CSRNP1: variants seen among roughly 807,000 people sequenced by gnomAD.
CSRNP1 encodes cysteine/serine-rich nuclear protein 1.
A neutral mutation model predicts 25.0 loss-of-function variants in CSRNP1; 8 were observed. The ratio of observed to expected loss-of-function variants is 0.32; its 90% CI spans 0.19 to 0.58. The LOEUF is 0.58. CSRNP1 is among the 20% of genes least tolerant of loss of function. The pLI is 0.88. For missense variants in CSRNP1, 691 were observed against 773.1 expected, an observed-to-expected ratio of 0.89 and a Z score of 1.26; for synonymous variants, 305 against 303.1, an observed-to-expected ratio of 1.01 and a Z score of -0.06.
At position 39,142,447 on chromosome 3, in the gene CSRNP1, C is replaced by T. The variant is rs1011733618; in HGVS notation, c.*608G>A. On this transcript the variant is annotated 3_prime_UTR_variant, in exon 5 of 5. Coordinates refer to ENST00000273153, the MANE Select transcript of CSRNP1 (RefSeq NM_033027.4). ...CAGGCAGCAGACATAGATCACAGAGCTCAAATCCACACCTAGTCTGCACCA... is the reference window on the plus strand; with the variant it reads ...CAGGCAGCAGACATAGATCACAGAGTTCAAATCCACACCTAGTCTGCACCA... The T allele has an allele frequency of 6.5e-6, 1 of 152,982 alleles. No homozygotes were observed. Among genetic ancestry groups the T allele is most frequent in the East Asian group, 1.9e-4 (1 of 5,180 alleles). 9.5% of individuals were successfully genotyped at this position (152,982 alleles called of 1,614,324 possible).
Position 39,146,460 on chromosome 3 carries a change from A to G in CSRNP1, c.205+18T>C, listed in dbSNP as rs1314011824. 4 of 1,514,250 alleles carry G rather than the reference A, an allele frequency of 2.6e-6. No homozygotes were observed. Among genetic ancestry groups the G allele is most frequent in the Non-Finnish European group, 3.5e-6 (4 of 1,128,374 alleles). The allele number at this position is 1,514,250 out of a possible 1,614,324, so 93.8% of individuals were successfully genotyped here. A position where few individuals can be genotyped will look rare whatever the true frequency, so the allele number is the denominator to read the frequency against. Reference sequence around the variant, plus strand: ...AAGGCAGGCAGGTGATGGAGTTCCCAGGGGAGGGAGTACTCACGGGTGAAA... The same window carrying G: ...AAGGCAGGCAGGTGATGGAGTTCCCGGGGGAGGGAGTACTCACGGGTGAAA... On this transcript the variant is annotated intron_variant, in intron 2 of 4. Transcript: ENST00000273153.
chr3:39,143,410 C>T lies in CSRNP1; in HGVS notation c.1415G>A (p.Gly472Glu), dbSNP rs770126733. 1 of 1,614,188 alleles carries T rather than the reference C, an allele frequency of 6.2e-7. No individual in the cohort carries two copies. Among genetic ancestry groups the T allele is most frequent in the Admixed American group, 1.7e-5 (1 of 60,028 alleles). ...GCCAGGAAGGCTGCCTTCCCTTGAC[C>T]CTTCAAGGCCACCATTTAGGAAGCA... ...ASCFLNGGLE[G>E]SREGSLPGTS... Residue 472 changes from glycine to glutamate, a missense_variant, in exon 5 of 5, where the codon GGG (glycine) becomes GAG (glutamate). Gly to Glu is a moderately conservative substitution (Grantham distance 98). Transcript: ENST00000273153.
rs1380841870 is a variant in CSRNP1, at chr3:39,145,263, A to G, written c.206-7T>C. On this transcript the variant is annotated splice_polypyrimidine_tract_variant and splice_region_variant and intron_variant, in intron 2 of 4. Transcript: ENST00000273153. ...CGCTTCAGGATAGACAGGGCTAGAAAGCAGGCAAAGATGGGCTGGGGATTA... is the reference window on the plus strand; with the variant it reads ...CGCTTCAGGATAGACAGGGCTAGAAGGCAGGCAAAGATGGGCTGGGGATTA... 1 of 1,562,700 alleles carries G rather than the reference A, an allele frequency of 6.4e-7. No individual in the cohort carries two copies. The highest frequency in any genetic ancestry group is 8.7e-7 in the Non-Finnish European group (1 of 1,149,874).
In CSRNP1 at chr3:39,153,554, C is replaced by A. The variant is rs1575579905; in HGVS notation, c.-157G>T. On this transcript the variant is annotated 5_prime_UTR_variant, in exon 1 of 5. Transcript: ENST00000273153. ...CAGCCGTCGGTCCAGCCGCCCCTCGCTCTGCGCGTCCGGCAGCGGCGGCGG... is the reference window on the plus strand; with the variant it reads ...CAGCCGTCGGTCCAGCCGCCCCTCGATCTGCGCGTCCGGCAGCGGCGGCGG... 6.3e-6 allele frequency: 1 copy of A among 157,572 alleles called. No individual in the cohort carries two copies. Among genetic ancestry groups the A allele is most frequent in the East Asian group, 1.9e-4 (1 of 5,234 alleles). 9.8% of individuals were successfully genotyped at this position (157,572 alleles called of 1,614,324 possible). A position where few individuals can be genotyped will look rare whatever the true frequency, so the allele number is the denominator to read the frequency against.
At chr3:39,151,453 A>C (rs1429904114) in intron 1 of CSRNP1, 1 of 153,458 alleles carries the variant, frequency 6.5e-6, no homozygotes, top group Non-Finnish European at 1.5e-5. Context: ...GTTTTTGAGA[A>C]GTGGGGGCGG....
chr3:39,152,331 A>C (rs2039595018), intron 1 of CSRNP1: 1 of 152,602 alleles, frequency 6.6e-6, no homozygotes, highest in African/African-American at 2.4e-5. Context: ...CAGAAGGCTT[A>C]AGTAGGGAGT....
Position 39,146,635 on chromosome 3 carries a change from G to C in CSRNP1, c.48C>G (p.Asn16Lys). The C allele has an allele frequency of 1.3e-6, 2 of 1,572,530 alleles. No homozygotes were observed. The highest frequency in any genetic ancestry group is 1.7e-6 in the Non-Finnish European group (2 of 1,158,630). ...KRKFDQLDED[N>K]SSVSSSSSSS... ...AAGAGGAGGAGGAGGAGACCGAGGA[G>C]TTGTCCTCATCCAGCTGGTCAAATT... Residue 16 changes from asparagine to lysine, a missense_variant, in exon 2 of 5, where the codon AAC (asparagine) becomes AAG (lysine). Asn to Lys is a moderately conservative substitution (Grantham distance 94). Coordinates refer to ENST00000273153, the MANE Select transcript of CSRNP1 (RefSeq NM_033027.4).
chr3:39,143,548 G>A lies in CSRNP1; in HGVS notation c.1277C>T (p.Ala426Val). 2 of 1,614,236 alleles carry A rather than the reference G, an allele frequency of 1.2e-6. No homozygotes were observed. The highest frequency in any genetic ancestry group is 1.1e-5 in the South Asian group (1 of 91,088). Residue 426 changes from alanine (A) to valine (V), a missense_variant, in exon 5 of 5, where the codon GCT becomes GTT. By Grantham distance (64) the Ala-to-Val change is moderately conservative (BLOSUM62 0). Coordinates refer to ENST00000273153, the MANE Select transcript of CSRNP1 (RefSeq NM_033027.4). The stretch of plus-strand genomic sequence containing the variant: ...AGGGTCACTAGTACCAAAGATGTCA[G>A]CTGGATGGAAGCAGCTGAGGTTGTC... ...NLDNLSCFHPADIFGTSDPGG... is the reference protein window; with the variant it reads ...NLDNLSCFHPVDIFGTSDPGG...
At chr3:39,153,706 G>A (rs1479164965), upstream of CSRNP1, 1 of 151,518 alleles carries the variant, frequency 6.6e-6, no homozygotes, top group Non-Finnish European at 1.5e-5. Context: ...CCCCGCCCCG[G>A]AGGCGCCGCC....
Position 39,146,517 on chromosome 3 carries a change from G to T in CSRNP1, c.166C>A (p.Leu56Met), listed in dbSNP as rs140082006. 28 of 1,550,874 alleles carry T rather than the reference G, an allele frequency of 1.8e-5. No homozygotes were observed. Among genetic ancestry groups the T allele is most frequent in the Non-Finnish European group, 2.2e-5 (25 of 1,146,634 alleles). The change falls in exon 2 of 5, where the codon CTG (leucine) becomes ATG (methionine). Residue 56 changes from leucine (L) to methionine (M), a missense_variant. Transcript: ENST00000273153. ...EEEGPWDQMP[L>M]PDRDFCGPRS... ...GGGCCGCAGAAGTCACGGTCAGGCA[G>T]GGGCATCTGATCCCAGGGGCCTTCC... is the stretch of plus-strand genomic sequence containing the variant.
chr3:39,142,767 A>G lies in CSRNP1; in HGVS notation c.*288T>C. 1 of 310,220 alleles carries G rather than the reference A, an allele frequency of 3.2e-6. No individual in the cohort carries two copies. The highest frequency in any genetic ancestry group is 4.5e-5 in the Admixed American group (1 of 21,992). The allele number at this position is 310,220 out of a possible 1,614,324, so 19.2% of individuals were successfully genotyped here. A position where few individuals can be genotyped will look rare whatever the true frequency, so the allele number is the denominator to read the frequency against. On this transcript the variant is annotated 3_prime_UTR_variant, in exon 5 of 5. Transcript: ENST00000273153. The stretch of plus-strand genomic sequence containing the variant: ...TGGTCTGCCAAGCTCCAGAGGAGCC[A>G]CATTTTCTCCTCTTCCAGGCTCACG...
intron 3 of CSRNP1, 102 bp downstream of exon 3, chr3:39,144,895 C>G: frequency 7.3e-7 from 1 of 1,367,242 alleles, no homozygotes; most frequent in Non-Finnish European, 9.9e-7. Flanking sequence ...TCCCCATAAC[C>G]ATAATGAGCA....
intron 4 of CSRNP1, 23 bp from the exon 5 acceptor site, chr3:39,144,067 A>C: frequency 6.2e-7 from 1 of 1,608,000 alleles, no homozygotes; most frequent in Non-Finnish European, 8.5e-7. Flanking sequence ...GTAGAGGTAC[A>C]AGTGAGGGTT....
rs745808830 is a variant in CSRNP1, at chr3:39,145,267, G to A, written c.206-11C>T. 6 of 1,552,330 alleles carry A rather than the reference G, an allele frequency of 3.9e-6. No homozygotes were observed. The African/African-American group carries it at 8.2e-5, about 21-fold the overall frequency. On this transcript the variant is annotated splice_polypyrimidine_tract_variant and intron_variant, in intron 2 of 4. Transcript: ENST00000273153. ...TCAGGATAGACAGGGCTAGAAAGCA[G>A]GCAAAGATGGGCTGGGGATTAGTTT...
At chr3:39,146,284 G>C (rs1331806468) in intron 2 of CSRNP1, among the ~76,000 whole-genome samples, 194 bp downstream of exon 2, 1 of 152,182 alleles carries the variant, frequency 6.6e-6, no homozygotes, top group African/African-American at 2.4e-5. Context: ...CACTCCCAAG[G>C]TCAAAGGTGA....
At chr3:39,151,542 T>G (rs1441628714) in intron 1 of CSRNP1, 2 of 152,552 alleles carry the variant, frequency 1.3e-5, no homozygotes, top group East Asian at 3.8e-4. Flanking sequence ...CAAGCCAGTC[T>G]TAGGGAGGGG....
rs145578074 is a variant in CSRNP1 at position 39,145,192 on chromosome 3, G to A, written c.270C>T (p.Thr90=). ...RPGRVAFDGI[T]VFYFPRCQGF... The stretch of plus-strand genomic sequence containing the variant: ...CCTGGCAGCGGGGGAAGTAGAAGAC[G>A]GTGATCCCATCAAAGGCTACACGGC... Residue 90 remains threonine, a synonymous_variant, in exon 3 of 5, where the codon ACC becomes ACT. Transcript: ENST00000273153. 2.4e-5 allele frequency: 38 copies of A among 1,614,114 alleles called. No homozygotes were observed. Among genetic ancestry groups the A allele is most frequent in the African/African-American group, 1.5e-4 (11 of 75,068 alleles).
intron 1 of CSRNP1, chr3:39,148,315 G>A (rs1487088550): frequency 6.6e-6 from 1 of 152,340 alleles, no homozygotes; most frequent in African/African-American, 2.4e-5. Flanking sequence ...TCTCCCAGGA[G>A]GTGGGGGATT....
intron 1 of CSRNP1, chr3:39,149,033 T>C (rs2039551913): frequency 6.6e-6 from 1 of 151,800 alleles, no homozygotes; most frequent in East Asian, 1.9e-4. Flanking sequence ...CTCATAGGGT[T>C]GGGGGGTTTA....
Sources: allele counts gnomAD v4.1 joint callset (sites outside exome capture counted in the v4.1 genomes callset), GRCh38; gene constraint gnomAD v4.1.1; transcripts MANE v1.5; gene names NCBI Gene and HGNC (gene_info 2026-07-23, HGNC 2026-07-21).